The following PPM1D variants were observed in gnomAD, a reference collection of about 807,000 sequenced individuals.
The protein encoded by PPM1D is protein phosphatase, Mg2+/Mn2+ dependent 1D.
A neutral mutation model predicts 58.3 loss-of-function variants in PPM1D; 52 were observed. The observed-to-expected ratio is 0.89, with a 90% CI of 0.71 to 1.12. PPM1D has a LOEUF of 1.12. PPM1D is among the 50% of genes most tolerant of loss of function. The pLI is 0.00. For missense variants in PPM1D, 564 were observed against 777.2 expected, an observed-to-expected ratio of 0.73 and a Z score of 3.26; for synonymous variants, 278 against 285.1, an observed-to-expected ratio of 0.98 and a Z score of 0.25.
chr17:60,652,598 C>T (rs569870511), intron 4 of PPM1D, among the ~76,000 whole-genome samples: 2 of 95,090 alleles, frequency 2.1e-5, no homozygotes, highest in African/African-American at 4.2e-5. Flanking sequence ...TACTGTTCTT[C>T]GTAGTGGCTG....
intron 1 of PPM1D, among the ~76,000 whole-genome samples, chr17:60,623,208 C>G (rs2030741391): frequency 6.6e-6 from 1 of 152,154 alleles, no homozygotes; most frequent in South Asian, 2.1e-4. Flanking sequence ...AAAAAAACCT[C>G]TTAACACATT....
At chr17:60,647,297 C>T (rs2031267175) in intron 3 of PPM1D, among the ~76,000 whole-genome samples, 1 of 152,078 alleles carries the variant, frequency 6.6e-6, no homozygotes. Flanking sequence ...GGCATGTATA[C>T]CGTTTGTTAA....
intron 3 of PPM1D, among the ~76,000 whole-genome samples, chr17:60,634,400 A>G (rs951439076): frequency 6.6e-6 from 1 of 151,882 alleles, no homozygotes; most frequent in African/African-American, 2.4e-5. Context: ...GCAAGACTCT[A>G]AAAAAAAGCC....
At position 60,663,321 on chromosome 17, in the gene PPM1D, CCCTCCAACAAACTTTAAA is replaced by C; in HGVS notation, c.1588_1605del (p.Pro530_Lys535del). 6.2e-7 allele frequency: 1 copy of C among 1,613,962 alleles called. No homozygotes were observed. Among genetic ancestry groups the C allele is most frequent in the Non-Finnish European group, 8.5e-7 (1 of 1,180,022 alleles). On this transcript the variant is annotated inframe_deletion, in exon 6 of 6. Transcript: ENST00000305921. ...TGAAAGCCCAAGAAATTGAAAGAAC[CCCTCCAACAAACTTTAAA>C]AGGACATTAGAAGAGTCCAATTCTG...
chr17:60,633,711 T>G, intron 2 of PPM1D, 142 bp from the exon 3 acceptor site: 1 of 933,678 alleles, frequency 1.1e-6, no homozygotes, highest in Non-Finnish European at 1.5e-6. Flanking sequence ...GAATTTTGGC[T>G]TATGCATCTT....
At chr17:60,636,682 A>T (rs1390398319) in intron 3 of PPM1D, among the ~76,000 whole-genome samples, 2 of 151,754 alleles carry the variant, frequency 1.3e-5, no homozygotes, top group Non-Finnish European at 2.9e-5. Flanking sequence ...AAGGGTTCTC[A>T]TTACTCATGA....
rs754216693 is a variant in PPM1D, at chr17:60,647,886, C to A, written c.827-6C>A. 1.2e-6 allele frequency: 2 copies of A among 1,607,462 alleles called. No individual in the cohort carries two copies. The highest frequency in any genetic ancestry group is 1.7e-6 in the Non-Finnish European group (2 of 1,174,768). On this transcript the variant is annotated splice_polypyrimidine_tract_variant and splice_region_variant and intron_variant, in intron 3 of 5. Coordinates refer to ENST00000305921, the MANE Select transcript of PPM1D (RefSeq NM_003620.4). The stretch of plus-strand genomic sequence containing the variant: ...ACTTCTTGCTTTTTCTGCTCCCTTC[C>A]CCCAGGTGATTTGTGGAGCTATGAT...
At chr17:60,662,894 G>T (rs1345969472) in intron 5 of PPM1D, 101 bp from the exon 6 acceptor site, 6 of 1,129,250 alleles carry the variant, frequency 5.3e-6, no homozygotes, top group Non-Finnish European at 6.4e-6. Flanking sequence ...CCCCGTTTTT[G>T]CCATCCTACT....
At chr17:60,657,229 G>T (rs1436818973) in intron 5 of PPM1D, 1 of 535,970 alleles carries the variant, frequency 1.9e-6, no homozygotes, top group East Asian at 1.5e-4. Flanking sequence ...GTCTAAACAA[G>T]GTCATAGAGA....
chr17:60,600,543 G>A lies in PPM1D; in HGVS notation c.129G>A (p.Arg43=), dbSNP rs1479059207. ...PTAEEKPSPR[R]SLSQPLPPRP... ...CTGAAGAAAAGCCCTCGCCGCGGCG[G>A]TCGCTGTCTCAGCCGTTGCCTCCGC... Residue 43 remains arginine (R), a synonymous_variant, in exon 1 of 6, where the codon CGG becomes CGA. Transcript: ENST00000305921. 8 of 1,554,308 alleles carry A rather than the reference G, an allele frequency of 5.1e-6. No individual in the cohort carries two copies. The Admixed American group carries it at 5.9e-5, about 11-fold the overall frequency.
At chr17:60,628,867 G>T (rs2030864975) in intron 2 of PPM1D, among the ~76,000 whole-genome samples, 1 of 151,794 alleles carries the variant, frequency 6.6e-6, no homozygotes, top group Non-Finnish European at 1.5e-5. Flanking sequence ...GAACCACTTT[G>T]CCAGTACTCG....
chr17:60,632,226 A>C (rs2030937184), intron 2 of PPM1D, among the ~76,000 whole-genome samples: 1 of 151,542 alleles, frequency 6.6e-6, no homozygotes, highest in African/African-American at 2.4e-5. Flanking sequence ...TCATATTTCC[A>C]AGTTTTAGGC....
At chr17:60,657,102 T>C in intron 5 of PPM1D, 1 of 1,316,794 alleles carries the variant, frequency 7.6e-7, no homozygotes, top group Non-Finnish European at 9.8e-7. Context: ...ACATTATTTT[T>C]AAAGCATTTA....
chr17:60,632,710 G>A (rs2030947093), intron 2 of PPM1D, among the ~76,000 whole-genome samples: 1 of 152,228 alleles, frequency 6.6e-6, no homozygotes, highest in South Asian at 2.1e-4. Flanking sequence ...AATTAGGCAG[G>A]CGTGGTGGCC....
At chr17:60,654,583 C>T (rs565875959) in intron 4 of PPM1D, among the ~76,000 whole-genome samples, 6 of 151,524 alleles carry the variant, frequency 4.0e-5, no homozygotes, top group South Asian at 4.2e-4. Context: ...TGCAGGCAGC[C>T]GGGCACGGCG....
chr17:60,620,516 GT>G (rs750724040), intron 1 of PPM1D, among the ~76,000 whole-genome samples: 3 of 150,826 alleles, frequency 2.0e-5, no homozygotes, highest in African/African-American at 7.3e-5. Flanking sequence ...TTTTGTTGCT[GT>G]TTTTTTTGTT....
rs537949000 is a variant in PPM1D at position 60,608,438 on chromosome 17, G to C, written c.472+7552G>C. Among the ~76,000 whole-genome samples, 4 of 152,258 alleles carry C rather than the reference G, an allele frequency of 2.6e-5. No homozygotes were observed. The East Asian group carries it at 5.8e-4, about 22-fold the overall frequency. On this transcript the variant is annotated intron_variant, in intron 1 of 5. Transcript: ENST00000305921. ...GCACTTTGGGAGGCCGAGGCAGGCAGATCATGAGGTCAAGAACCTGATGAA... is the reference window on the plus strand; with the variant it reads ...GCACTTTGGGAGGCCGAGGCAGGCACATCATGAGGTCAAGAACCTGATGAA...
intron 3 of PPM1D, among the ~76,000 whole-genome samples, chr17:60,638,235 G>A (rs1020015638): frequency 6.6e-6 from 1 of 152,006 alleles, no homozygotes; most frequent in Non-Finnish European, 1.5e-5. Flanking sequence ...TGATAAAAAA[G>A]CTTTTTTCCT....
chr17:60,631,495 C>T (rs567615234), intron 2 of PPM1D, among the ~76,000 whole-genome samples: 2 of 151,674 alleles, frequency 1.3e-5, no homozygotes, highest in African/African-American at 2.4e-5. Context: ...AAAAATTAGC[C>T]GGGCATTGTG....
Sources: allele counts gnomAD v4.1 joint callset (sites outside exome capture counted in the v4.1 genomes callset), GRCh38; gene constraint gnomAD v4.1.1; transcripts MANE v1.5; gene names NCBI Gene and HGNC (gene_info 2026-07-23, HGNC 2026-07-21).